NEGR1: variants seen among roughly 807,000 people sequenced by gnomAD.
NEGR1 encodes the protein neuronal growth regulator 1.
Under a neutral mutation model 40.9 loss-of-function variants are expected in NEGR1, and 10 were observed. The ratio of observed to expected loss-of-function variants is 0.24; its 90% CI spans 0.15 to 0.42. The LOEUF (loss-of-function observed/expected upper bound fraction) is 0.42. Ranked by LOEUF, NEGR1 falls within the 10% of genes least tolerant of loss-of-function variation. The probability of loss-of-function intolerance (pLI) is 1.00; values close to 1 mark genes in which losing one functional copy is unlikely to be tolerated. For missense variants in NEGR1, 352 were observed against 438.9 expected (o/e 0.80, Z 1.77); for synonymous variants, 185 against 166.8 (o/e 1.11, Z -0.84).
chr1:71,792,385 G>C (rs1489539640), intron 2 of NEGR1, among the ~76,000 whole-genome samples: 3 of 152,064 alleles, frequency 2.0e-5, no homozygotes, highest in Non-Finnish European at 4.4e-5. Flanking sequence ...ATAAATAGAT[G>C]GAAATATGTT....
At chr1:71,809,251 CCAT>C (rs1203828802) in intron 2 of NEGR1, among the ~76,000 whole-genome samples, 1 of 152,092 alleles carries the variant, frequency 6.6e-6, no homozygotes, top group African/African-American at 2.4e-5. Context: ...CACACTCCTC[CCAT>C]CATCATTACA....
At chr1:71,410,761 T>G (rs1417401762) in intron 6 of NEGR1, among the ~76,000 whole-genome samples, 2 of 152,162 alleles carry the variant, frequency 1.3e-5, no homozygotes, top group African/African-American at 4.8e-5. Flanking sequence ...TTGAACTGAA[T>G]TATTTGAAGA....
chr1:71,923,132 C>T (rs974250656), intron 2 of NEGR1, among the ~76,000 whole-genome samples: 5 of 152,168 alleles, frequency 3.3e-5, no homozygotes, highest in African/African-American at 1.2e-4. Flanking sequence ...AGCCCCTGTT[C>T]TGCTCACTCA....
chr1:71,584,974 A>C (rs996955234), intron 6 of NEGR1, among the ~76,000 whole-genome samples: 3 of 152,164 alleles, frequency 2.0e-5, no homozygotes, highest in Non-Finnish European at 4.4e-5. Context: ...GTTACTGGCC[A>C]AGGTTGTTGC....
At chr1:72,103,095 A>G (rs1269242220) in intron 1 of NEGR1, among the ~76,000 whole-genome samples, 3 of 152,054 alleles carry the variant, frequency 2.0e-5, no homozygotes, top group African/African-American at 7.2e-5. Context: ...TCCCTTTAAA[A>G]GTACTTTTCT....
chr1:72,090,077 A>G (rs1648405071), intron 1 of NEGR1, among the ~76,000 whole-genome samples: 1 of 152,076 alleles, frequency 6.6e-6, no homozygotes, highest in East Asian at 1.9e-4. Context: ...CTCATTTCTG[A>G]TTGCTCCAAA....
At chr1:72,125,445 T>G (rs1043257050) in intron 1 of NEGR1, among the ~76,000 whole-genome samples, 3 of 149,052 alleles carry the variant, frequency 2.0e-5, no homozygotes, top group African/African-American at 7.3e-5. Context: ...TAAAATGCAA[T>G]AGAAAACGTG....
chr1:71,761,456 A>G (rs1366822588), intron 3 of NEGR1, among the ~76,000 whole-genome samples: 1 of 152,208 alleles, frequency 6.6e-6, no homozygotes, highest in East Asian at 1.9e-4. Flanking sequence ...AACAGTTTCA[A>G]CATCTTTAAA....
intron 1 of NEGR1, among the ~76,000 whole-genome samples, chr1:72,036,473 T>G (rs752426335): frequency 1.3e-5 from 2 of 151,842 alleles, no homozygotes; most frequent in Non-Finnish European, 2.9e-5. Flanking sequence ...CAGGCCAACA[T>G]GGTGAAACCC....
intron 4 of NEGR1, among the ~76,000 whole-genome samples, chr1:71,647,206 T>A (rs1029415591): frequency 6.6e-6 from 1 of 151,812 alleles, no homozygotes; most frequent in African/African-American, 2.4e-5. Context: ...CACAGGAAAG[T>A]TTCATTTCTC....
intron 6 of NEGR1, among the ~76,000 whole-genome samples, chr1:71,450,617 G>A (rs1214067909): frequency 6.6e-6 from 1 of 150,838 alleles, no homozygotes; most frequent in Non-Finnish European, 1.5e-5. Flanking sequence ...GACTAACCTG[G>A]CCAACAGGGT....
At chr1:71,572,862 A>G (rs1162109257) in intron 6 of NEGR1, among the ~76,000 whole-genome samples, 2 of 152,174 alleles carry the variant, frequency 1.3e-5, no homozygotes, top group Middle Eastern at 3.4e-3. Flanking sequence ...AGAGTAATCA[A>G]TGAATAGTCG....
chr1:72,280,697 T>C (rs1039893224), intron 1 of NEGR1, among the ~76,000 whole-genome samples: 2 of 152,190 alleles, frequency 1.3e-5, no homozygotes, highest in African/African-American at 4.8e-5. Flanking sequence ...TTAGTGTATA[T>C]TAAAAAATAC....
At chr1:72,240,661 G>C (rs1654703297) in intron 1 of NEGR1, among the ~76,000 whole-genome samples, 1 of 151,934 alleles carries the variant, frequency 6.6e-6, no homozygotes, top group Middle Eastern at 3.4e-3. Flanking sequence ...ACAGTGTTTT[G>C]AGATGCTCAA....
intron 2 of NEGR1, among the ~76,000 whole-genome samples, chr1:71,779,570 T>C (rs1235252159): frequency 3.3e-5 from 5 of 152,000 alleles, no homozygotes; most frequent in Admixed American, 3.3e-4. Context: ...TAAAAACTTT[T>C]TTTTTTTCTT....
At chr1:71,678,149 A>G (rs899186623) in intron 4 of NEGR1, among the ~76,000 whole-genome samples, 1 of 152,136 alleles carries the variant, frequency 6.6e-6, no homozygotes, top group Admixed American at 6.6e-5. Context: ...TATGTAAACA[A>G]ATTACAAAAT....
Position 71,737,488 on chromosome 1 carries a change from G to T in NEGR1, c.535+38684C>A, listed in dbSNP as rs1316905957. The stretch of plus-strand genomic sequence containing the variant: ...GAAAAAAGTAATGAAGCAGATAGGA[G>T]AACTCTCTCACTATGCAAGTTGGTC... On this transcript the variant is annotated intron_variant, in intron 3 of 6. Transcript: ENST00000357731. Among the ~76,000 whole-genome samples, 8 of 152,130 alleles carry T rather than the reference G, an allele frequency of 5.3e-5. No homozygotes were observed. In the East Asian group the frequency reaches 1.5e-3, roughly 29 times the overall value.
intron 2 of NEGR1, among the ~76,000 whole-genome samples, chr1:71,843,782 C>T (rs911837360): frequency 3.3e-5 from 5 of 151,978 alleles, no homozygotes; most frequent in Non-Finnish European, 4.4e-5. Context: ...ATTTTTATAC[C>T]TCATTGTTTT....
intron 2 of NEGR1, among the ~76,000 whole-genome samples, chr1:71,869,981 G>A (rs1453889138): frequency 2.6e-5 from 4 of 151,290 alleles, no homozygotes; most frequent in Admixed American, 1.3e-4. Context: ...CCGGGTTCAT[G>A]TGATTTTCCA....
Sources: allele counts gnomAD v4.1 joint callset (sites outside exome capture counted in the v4.1 genomes callset), GRCh38; gene constraint gnomAD v4.1.1; transcripts MANE v1.5; gene names NCBI Gene and HGNC (gene_info 2026-07-23, HGNC 2026-07-21).